The following PRKN variants were observed in gnomAD, a reference collection of about 807,000 sequenced individuals.
PRKN encodes parkin RBR E3 ubiquitin protein ligase.
PRKN carries 56 observed loss-of-function variants against 59.5 expected under a neutral mutation model. The observed-to-expected ratio is 0.94, with a 90% CI of 0.76 to 1.18. The LOEUF is 1.18. PRKN is among the 50% of genes most tolerant of loss of function. The pLI is 0.00. For missense variants in PRKN, 657 were observed against 596.4 expected (o/e 1.10, Z -1.06); for synonymous variants, 250 against 222.1 (o/e 1.13, Z -1.12).
At chr6:161,601,474 A>T (rs988139793) in intron 7 of PRKN, among the ~76,000 whole-genome samples, 2 of 152,154 alleles carry the variant, frequency 1.3e-5, no homozygotes, top group African/African-American at 4.8e-5. Flanking sequence ...GAATACTTTG[A>T]GGAGAATTAA....
At chr6:162,020,210 G>A (rs1261529041) in intron 5 of PRKN, among the ~76,000 whole-genome samples, 1 of 151,682 alleles carries the variant, frequency 6.6e-6, no homozygotes, top group Non-Finnish European at 1.5e-5. Flanking sequence ...TTAGGCTCCA[G>A]CCCTGCAAAT....
At position 162,389,574 on chromosome 6, in the gene PRKN, A is replaced by G. The variant is rs186326160; in HGVS notation, c.171+53736T>C. Among the ~76,000 whole-genome samples the G allele has an allele frequency of 5.1e-4, 78 of 152,330 alleles. 1 individual carries two copies. The highest frequency in any genetic ancestry group is 1.7e-3 in the African/African-American group (72 of 41,574). On this transcript the variant is annotated intron_variant, in intron 2 of 11. Transcript: ENST00000366898. Reference sequence around the variant, plus strand: ...TAAAAGGTGTCCGATGATTCATTTTAATCATTTACCAATTTCTTGGTAACC... The same window carrying G: ...TAAAAGGTGTCCGATGATTCATTTTGATCATTTACCAATTTCTTGGTAACC...
intron 3 of PRKN, among the ~76,000 whole-genome samples, chr6:162,250,333 G>C (rs893843025): frequency 6.6e-6 from 1 of 152,050 alleles, no homozygotes; most frequent in African/African-American, 2.4e-5. Flanking sequence ...GAGATACCTT[G>C]TACATTTTTG....
chr6:162,560,179 T>C (rs1272523022), intron 1 of PRKN, among the ~76,000 whole-genome samples: 1 of 152,214 alleles, frequency 6.6e-6, no homozygotes, highest in Non-Finnish European at 1.5e-5. Context: ...AGACAGCATT[T>C]CATTAAGGTG....
intron 7 of PRKN, among the ~76,000 whole-genome samples, chr6:161,731,544 T>C (rs79734660): frequency 9.6e-4 from 147 of 152,374 alleles, no homozygotes; most frequent in Non-Finnish European, 1.5e-3. Context: ...TTTCCTTACA[T>C]TGTGTACACC....
chr6:162,039,318 G>A (rs748173496), intron 5 of PRKN, among the ~76,000 whole-genome samples: 2 of 152,172 alleles, frequency 1.3e-5, no homozygotes, highest in Non-Finnish European at 2.9e-5. Context: ...TTTGGATATG[G>A]TTCATTCGGC....
rs987288292 is a variant in PRKN at position 161,897,523 on chromosome 6, T to C, written c.734+75779A>G. ...TAGGGAACATAGTGGTTTGATTGAT[T>C]AGACTGCTTACCAAAGCAATACAAT... On this transcript the variant is annotated intron_variant, in intron 6 of 11. Transcript: ENST00000366898. Among the ~76,000 whole-genome samples, 5 of 152,340 alleles carry C rather than the reference T, an allele frequency of 3.3e-5. No individual in the cohort carries two copies. In the East Asian group the frequency reaches 9.6e-4, roughly 29 times the overall value.
rs1264923887 is a variant in PRKN at position 162,472,574 on chromosome 6, G to A, written c.8-29101C>T. ...GCAATCTCGGCTCACTGCAAGCTCC[G>A]CTTCCCGGGTTCACGCCATTCTCCT... On this transcript the variant is annotated intron_variant, in intron 1 of 11. Transcript: ENST00000366898. Among the ~76,000 whole-genome samples the A allele has an allele frequency of 3.1e-5, 4 of 128,364 alleles. 1 individual carries two copies. The highest frequency in any genetic ancestry group is 5.6e-5 in the African/African-American group (2 of 36,036). 84.2% of individuals were successfully genotyped at this position (128,364 alleles called of 152,430 possible).
At chr6:162,210,408 C>T (rs140941437) in intron 3 of PRKN, among the ~76,000 whole-genome samples, 1 of 152,238 alleles carries the variant, frequency 6.6e-6, no homozygotes, top group East Asian at 1.9e-4. Flanking sequence ...CAAAAAAATT[C>T]TGAACTCAAG....
intron 6 of PRKN, among the ~76,000 whole-genome samples, chr6:161,961,002 A>G (rs1398133137): frequency 2.0e-5 from 3 of 152,344 alleles, no homozygotes; most frequent in Non-Finnish European, 2.9e-5. Context: ...AAATGGGTAT[A>G]AATAACATTC....
chr6:161,856,131 G>A (rs1040573879), intron 6 of PRKN, among the ~76,000 whole-genome samples: 2 of 152,058 alleles, frequency 1.3e-5, no homozygotes, highest in Non-Finnish European at 2.9e-5. Context: ...AGGCCGAGGT[G>A]GGCAGATCAC....
chr6:162,191,087 C>T (rs7764353), intron 4 of PRKN, among the ~76,000 whole-genome samples: 8,012 of 152,266 alleles, frequency 0.053, 667 homozygotes, highest in African/African-American at 0.17. Flanking sequence ...GGGCATAGAA[C>T]AGCAGGGTTT....
intron 7 of PRKN, among the ~76,000 whole-genome samples, chr6:161,680,761 A>ATTTTTT (rs1785312168): frequency 1.0e-4 from 1 of 9,876 alleles, no homozygotes; most frequent in African/African-American, 3.9e-4. Context: ...ATATATATAT[A>ATTTTTT]TATATATATA....
chr6:161,580,642 A>AC (rs1781302796), intron 7 of PRKN, among the ~76,000 whole-genome samples: 1 of 145,638 alleles, frequency 6.9e-6, no homozygotes, highest in African/African-American at 2.8e-5. Flanking sequence ...ATGCCAGGCT[A>AC]ATTTTTTTGT....
Position 162,727,753 on chromosome 6 carries a change from C to A in PRKN, c.-85G>T. On this transcript the variant is annotated 5_prime_UTR_variant, in exon 1 of 12. The change creates a new upstream start codon in the 5' untranslated region. Transcript: ENST00000366898. ...GCCGCGCCTCCCACCAGCGGCTCTC[C>A]TGGGTTAAATCCTCCAGGCCTCCCC... is the stretch of plus-strand genomic sequence containing the variant. 1 of 1,423,100 alleles carries A rather than the reference C, an allele frequency of 7.0e-7. No individual in the cohort carries two copies. The highest frequency in any genetic ancestry group is 9.7e-7 in the Non-Finnish European group (1 of 1,032,370). 88.2% of individuals were successfully genotyped at this position (1,423,100 alleles called of 1,614,324 possible).
At position 161,768,074 on chromosome 6, in the gene PRKN, TA is replaced by T. The variant is rs202141139; in HGVS notation, c.871+17697del. Among the ~76,000 whole-genome samples, 344 of 114,488 alleles carry T rather than the reference TA, an allele frequency of 3.0e-3. 6 individuals carry two copies. The East Asian group carries it at 0.065, about 22-fold the overall frequency. 75.1% of individuals were successfully genotyped at this position (114,488 alleles called of 152,430 possible). A position where few individuals can be genotyped will look rare whatever the true frequency, so the allele number is the denominator to read the frequency against. On this transcript the variant is annotated intron_variant, in intron 7 of 11. Transcript: ENST00000366898. ...CTACTTTGTTCAAATCTAGTCTAAT[TA>T]AGTTTTTTTTTTTTCTGCAGCGTAA... is the stretch of plus-strand genomic sequence containing the variant.
chr6:161,708,321 T>A (rs184278185), intron 7 of PRKN, among the ~76,000 whole-genome samples: 1 of 152,322 alleles, frequency 6.6e-6, no homozygotes, highest in Non-Finnish European at 1.5e-5. Flanking sequence ...AATAATTTTC[T>A]TTTATGGAAT....
chr6:162,113,759 T>C (rs952295960), intron 4 of PRKN, among the ~76,000 whole-genome samples: 47 of 152,136 alleles, frequency 3.1e-4, no homozygotes, highest in African/African-American at 7.7e-4. Context: ...GTTGCCATTG[T>C]TTTTGGTGTT....
chr6:161,680,845 A>C (rs2128172470), intron 7 of PRKN, among the ~76,000 whole-genome samples: 1 of 148,716 alleles, frequency 6.7e-6, no homozygotes, highest in East Asian at 2.0e-4. Flanking sequence ...GGAAATGTAT[A>C]AAACTAAATC....
Sources: gnomAD v4.1 joint callset for allele counts (sites outside exome capture counted in the v4.1 genomes callset) on GRCh38, gnomAD v4.1.1 for gene constraint, MANE v1.5 for transcripts, NCBI Gene and HGNC (gene_info 2026-07-23, HGNC 2026-07-21) for gene names.